CSGALNACT1: variants seen among roughly 807,000 people sequenced by gnomAD.
CSGALNACT1 encodes beta4GalNAcT-1.
A neutral mutation model predicts 51.0 loss-of-function variants in CSGALNACT1; 52 were observed. The ratio of observed to expected loss-of-function variants is 1.02; its 90% CI spans 0.82 to 1.29. The LOEUF (loss-of-function observed/expected upper bound fraction) is 1.29. CSGALNACT1 is among the 50% of genes most tolerant of loss of function. The pLI is 0.00. For synonymous variants in CSGALNACT1, 341 were observed against 254.4 expected, an observed-to-expected ratio of 1.34 and a Z score of -3.24; for missense variants, 935 against 679.2, an observed-to-expected ratio of 1.38 and a Z score of -4.19.
At chr8:19,740,952 C>T (rs189613842) in intron 1 of CSGALNACT1, among the ~76,000 whole-genome samples, 181 of 152,234 alleles carry the variant, frequency 1.2e-3, no homozygotes, top group African/African-American at 4.1e-3. Context: ...AGAAGAGACA[C>T]AAGATAATAT....
At chr8:19,608,405 G>A (rs1401443650) in intron 1 of CSGALNACT1, among the ~76,000 whole-genome samples, 3 of 152,156 alleles carry the variant, frequency 2.0e-5, no homozygotes, top group Admixed American at 2.0e-4. Context: ...TGAAATAATT[G>A]TGTGACCCTT....
chr8:19,532,970 C>A (rs1282014727), intron 3 of CSGALNACT1, among the ~76,000 whole-genome samples: 1 of 152,198 alleles, frequency 6.6e-6, no homozygotes, highest in Non-Finnish European at 1.5e-5. Flanking sequence ...ATAGTCCTCT[C>A]TTCTTCTACC....
chr8:19,564,399 A>ATT (rs34403400), intron 3 of CSGALNACT1, among the ~76,000 whole-genome samples: 7 of 143,670 alleles, frequency 4.9e-5, no homozygotes, highest in Middle Eastern at 3.7e-3. Context: ...AGGTTCAGGT[A>ATT]TTTTTTTTTT....
At chr8:19,664,731 C>T (rs1343682073) in intron 1 of CSGALNACT1, among the ~76,000 whole-genome samples, 1 of 152,028 alleles carries the variant, frequency 6.6e-6, no homozygotes, top group African/African-American at 2.4e-5. Context: ...GAAATAATGT[C>T]TTTTGTAGCA....
intron 1 of CSGALNACT1, among the ~76,000 whole-genome samples, chr8:19,628,534 C>T (rs931249229): frequency 6.6e-5 from 10 of 152,134 alleles, no homozygotes; most frequent in East Asian, 1.9e-4. Flanking sequence ...TTTTACAGAT[C>T]GGGAAACTAA....
At chr8:19,431,558 T>A (rs1309047891) in intron 6 of CSGALNACT1, among the ~76,000 whole-genome samples, 2 of 152,102 alleles carry the variant, frequency 1.3e-5, no homozygotes, top group African/African-American at 4.8e-5. Context: ...GTTGTTGGAT[T>A]CAGTTTGCTA....
At chr8:19,638,282 G>C (rs1042110205) in intron 1 of CSGALNACT1, among the ~76,000 whole-genome samples, 14 of 152,104 alleles carry the variant, frequency 9.2e-5, no homozygotes, top group African/African-American at 3.4e-4. Flanking sequence ...TGCCTCAACT[G>C]TGTCTGCTGC....
intron 4 of CSGALNACT1, among the ~76,000 whole-genome samples, chr8:19,477,577 C>T (rs375439915): frequency 6.6e-6 from 1 of 152,152 alleles, no homozygotes; most frequent in Non-Finnish European, 1.5e-5. Context: ...ACTTGGGAGA[C>T]ATAAACTCTA....
At chr8:19,566,088 T>C (rs1053003842) in intron 3 of CSGALNACT1, among the ~76,000 whole-genome samples, 1 of 152,228 alleles carries the variant, frequency 6.6e-6, no homozygotes, top group African/African-American at 2.4e-5. Context: ...TTTTGTCTTC[T>C]ATGGCAAAAA....
intron 3 of CSGALNACT1, among the ~76,000 whole-genome samples, chr8:19,508,686 A>G (rs1170333318): frequency 6.6e-6 from 1 of 152,256 alleles, no homozygotes; most frequent in African/African-American, 2.4e-5. Flanking sequence ...CGTTAAAGAC[A>G]AAACAAGCAA....
intron 1 of CSGALNACT1, among the ~76,000 whole-genome samples, chr8:19,711,722 C>A (rs1015638193): frequency 6.6e-6 from 1 of 152,188 alleles, no homozygotes; most frequent in Non-Finnish European, 1.5e-5. Flanking sequence ...ACCAGAGCAT[C>A]ATCCCAATAA....
intron 1 of CSGALNACT1, among the ~76,000 whole-genome samples, chr8:19,749,209 C>G (rs955202330): frequency 6.6e-6 from 1 of 151,320 alleles, no homozygotes; most frequent in African/African-American, 2.4e-5. Context: ...ACTAAGCTGT[C>G]CTTCTGTGTT....
intron 1 of CSGALNACT1, among the ~76,000 whole-genome samples, chr8:19,691,294 C>G (rs1361271683): frequency 6.6e-6 from 1 of 152,134 alleles, no homozygotes; most frequent in Non-Finnish European, 1.5e-5. Context: ...GATGCACAGG[C>G]CTCCTCCCAA....
Position 19,705,677 on chromosome 8 carries a change from C to T in CSGALNACT1, c.-297+52173G>A, listed in dbSNP as rs143531635. ...GCCTGAGCCGGGGAGGGGGAGGCTGCAGTGAGCTGAGATCGCACTACTTCA... is the reference window on the plus strand; with the variant it reads ...GCCTGAGCCGGGGAGGGGGAGGCTGTAGTGAGCTGAGATCGCACTACTTCA... On this transcript the variant is annotated intron_variant, in intron 1 of 1. Coordinates refer to the CSGALNACT1 transcript ENST00000517494. Among the ~76,000 whole-genome samples, 13 of 152,158 alleles carry T rather than the reference C, an allele frequency of 8.5e-5. No individual in the cohort carries two copies. The East Asian group carries it at 2.3e-3, about 27-fold the overall frequency.
intron 1 of CSGALNACT1, among the ~76,000 whole-genome samples, chr8:19,755,963 C>A (rs1033746936): frequency 6.6e-6 from 1 of 152,164 alleles, no homozygotes. Context: ...TCCGGCAGCC[C>A]AACACCTAGT....
chr8:19,731,413 C>T (rs1004816693), intron 1 of CSGALNACT1, among the ~76,000 whole-genome samples: 8 of 152,198 alleles, frequency 5.3e-5, no homozygotes, highest in Non-Finnish European at 8.8e-5. Context: ...GAGGCTAAGG[C>T]ACGAGACTCC....
chr8:19,497,174 C>T (rs1283948816), intron 4 of CSGALNACT1, among the ~76,000 whole-genome samples: 3 of 152,126 alleles, frequency 2.0e-5, no homozygotes, highest in Non-Finnish European at 4.4e-5. Flanking sequence ...CAGAGACAAC[C>T]CCACTTCCCT....
At chr8:19,415,596 C>G (rs183378917) in intron 8 of CSGALNACT1, among the ~76,000 whole-genome samples, 4 of 152,284 alleles carry the variant, frequency 2.6e-5, no homozygotes, top group Admixed American at 2.0e-4. Flanking sequence ...TGATTCCCTT[C>G]GCAACTCCTA....
intron 5 of CSGALNACT1, among the ~76,000 whole-genome samples, chr8:19,451,302 C>T (rs2063143319): frequency 6.6e-6 from 1 of 152,058 alleles, no homozygotes. Flanking sequence ...TGACAAGTTC[C>T]AATTTTCTAT....
Sources: allele counts gnomAD v4.1 joint callset (sites outside exome capture counted in the v4.1 genomes callset), GRCh38; gene constraint gnomAD v4.1.1; transcripts MANE v1.5; gene names NCBI Gene and HGNC (gene_info 2026-07-23, HGNC 2026-07-21).